RXFP1: variants seen among roughly 807,000 people sequenced by gnomAD.
RXFP1 encodes the protein relaxin family peptide receptor 1.
In RXFP1, 73 loss-of-function variants were observed where a neutral mutation model predicts 89.8. The ratio of observed to expected loss-of-function variants is 0.81; its 90% CI spans 0.67 to 0.99. The LOEUF (loss-of-function observed/expected upper bound fraction) is 0.99. RXFP1 is among the 50% of genes least tolerant of loss of function. The pLI is 0.00. For synonymous variants in RXFP1, 277 were observed against 305.5 expected (o/e 0.91, Z 0.97); for missense variants, 793 against 895.5 (o/e 0.89, Z 1.46).
chr4:158,549,243 C>T (rs573798101), intron 1 of RXFP1, among the ~76,000 whole-genome samples: 533 of 152,176 alleles, frequency 3.5e-3, no homozygotes, highest in African/African-American at 0.012. Flanking sequence ...TTGATCGCAT[C>T]GGCTCCTGAG....
At chr4:158,526,779 T>TC (rs1742600819) in intron 1 of RXFP1, among the ~76,000 whole-genome samples, 1 of 151,654 alleles carries the variant, frequency 6.6e-6, no homozygotes, top group Admixed American at 6.6e-5. Flanking sequence ...CTTTTGGAAA[T>TC]CAATGTTTTC....
chr4:158,649,124 G>T (rs994463865), intron 17 of RXFP1, among the ~76,000 whole-genome samples: 1 of 151,724 alleles, frequency 6.6e-6, no homozygotes, highest in African/African-American at 2.4e-5. Flanking sequence ...TGTAAAAATT[G>T]TAAGTCAGAG....
At chr4:158,555,057 C>T (rs1750992447) in intron 1 of RXFP1, among the ~76,000 whole-genome samples, 1 of 152,028 alleles carries the variant, frequency 6.6e-6, no homozygotes, top group African/African-American at 2.4e-5. Context: ...GTAAACAAAA[C>T]TACCTTTAAT....
chr4:158,574,877 C>T (rs1189215333), intron 2 of RXFP1, among the ~76,000 whole-genome samples: 1 of 151,608 alleles, frequency 6.6e-6, no homozygotes, highest in Non-Finnish European at 1.5e-5. Context: ...GCTATAAATA[C>T]GTTTTCATTT....
intron 1 of RXFP1, among the ~76,000 whole-genome samples, chr4:158,532,943 C>A (rs761692522): frequency 1.3e-5 from 2 of 152,194 alleles, no homozygotes; most frequent in Non-Finnish European, 2.9e-5. Flanking sequence ...CCCAAATTCT[C>A]TTAGCAGTTT....
In RXFP1 at chr4:158,645,110, G is replaced by C. The variant is rs1224867291; in HGVS notation, c.1317G>C (p.Leu439=). Residue 439 remains leucine, a synonymous_variant, in exon 15 of 18, where the codon CTG becomes CTC. Transcript: ENST00000307765. ...CTTATATCAGGTCTGAGAACAAGCT[G>C]TATGCCATGTCAATCATTTCTCTCT... ...MRPYIRSENK[L]YAMSIISLCC... is the part of the protein sequence containing the mutation. The C allele has an allele frequency of 6.2e-7, 1 of 1,613,724 alleles. No individual in the cohort carries two copies.
intron 2 of RXFP1, among the ~76,000 whole-genome samples, chr4:158,588,169 T>C (rs562876121): frequency 2.0e-5 from 3 of 152,224 alleles, no homozygotes; most frequent in African/African-American, 7.2e-5. Context: ...CTCTTTTTTT[T>C]AGGCAACCAC....
Position 158,653,149 on chromosome 4 carries a change from T to C in RXFP1, c.*1094T>C, listed in dbSNP as rs1773013846. On this transcript the variant is annotated 3_prime_UTR_variant, in exon 18 of 18. Coordinates refer to ENST00000307765, the MANE Select transcript of RXFP1 (RefSeq NM_021634.4). ...CACTGCCAGCACGTGAGATACTAACTTTTTAACTAGTTGTTCTTCTCTAGT... is the reference window on the plus strand; with the variant it reads ...CACTGCCAGCACGTGAGATACTAACCTTTTAACTAGTTGTTCTTCTCTAGT... The C allele has an allele frequency of 6.6e-6, 1 of 152,242 alleles. No homozygotes were observed. The highest frequency in any genetic ancestry group is 6.5e-5 in the Admixed American group (1 of 15,282). 9.4% of individuals were successfully genotyped at this position (152,242 alleles called of 1,614,324 possible). A position where few individuals can be genotyped will look rare whatever the true frequency, so the allele number is the denominator to read the frequency against.
At chr4:158,623,201 A>G (rs1439562343) in intron 9 of RXFP1, among the ~76,000 whole-genome samples, 1 of 152,066 alleles carries the variant, frequency 6.6e-6, no homozygotes, top group Non-Finnish European at 1.5e-5. Flanking sequence ...AAGCAGTAAG[A>G]AATAATCCAC....
At chr4:158,570,627 T>A (rs1754848803) in intron 1 of RXFP1, among the ~76,000 whole-genome samples, 1 of 152,114 alleles carries the variant, frequency 6.6e-6, no homozygotes, top group Non-Finnish European at 1.5e-5. Flanking sequence ...CCTGGAGCAC[T>A]GCAAAGTTTC....
At position 158,549,375 on chromosome 4, in the gene RXFP1, A is replaced by G. The variant is rs973618652; in HGVS notation, c.50-23323A>G. On this transcript the variant is annotated intron_variant, in intron 1 of 17. Transcript: ENST00000307765. ...ATCTAATTTTTTTTCAAAGTTTTTA[A>G]CTTCTTTGCCATTGATTTGAATTTC... Among the ~76,000 whole-genome samples the G allele has an allele frequency of 9.2e-5, 14 of 151,726 alleles. No homozygotes were observed. In the South Asian group the frequency reaches 1.3e-3, roughly 14 times the overall value.
intron 2 of RXFP1, among the ~76,000 whole-genome samples, chr4:158,580,864 C>T (rs1757216930): frequency 6.6e-6 from 1 of 152,208 alleles, no homozygotes; most frequent in South Asian, 2.1e-4. Flanking sequence ...ATGGCGCGAT[C>T]TCAGCTCACT....
chr4:158,606,053 C>G (rs1035860515), intron 5 of RXFP1, among the ~76,000 whole-genome samples: 3 of 152,130 alleles, frequency 2.0e-5, no homozygotes, highest in African/African-American at 7.2e-5. Context: ...AATAGAAATT[C>G]TAATGAAAAT....
At chr4:158,537,572 C>T (rs761861671) in intron 1 of RXFP1, among the ~76,000 whole-genome samples, 8 of 152,234 alleles carry the variant, frequency 5.3e-5, no homozygotes, top group Admixed American at 1.3e-4. Context: ...GAGAACTTCA[C>T]GACACCATTA....
chr4:158,581,980 G>A (rs1044465117), intron 2 of RXFP1, among the ~76,000 whole-genome samples: 3 of 152,150 alleles, frequency 2.0e-5, no homozygotes, highest in African/African-American at 7.2e-5. Context: ...GAGAGGAGGG[G>A]AGGTACCAGG....
upstream of RXFP1, chr4:158,521,861 G>T (rs1741251156): frequency 9.6e-6 from 6 of 622,140 alleles, no homozygotes. Flanking sequence ...GGACTGCTTT[G>T]TAACTGCTAA....
chr4:158,522,927 T>C lies in RXFP1; in HGVS notation c.49+902T>C, dbSNP rs540283784. On this transcript the variant is annotated intron_variant, in intron 1 of 17. Coordinates refer to ENST00000307765, the MANE Select transcript of RXFP1 (RefSeq NM_021634.4). ...CTGAGCTCTTCTATTAAGGAATGTC[T>C]CAGGGTAACTTTCAATCCTGACTCT... 6.2e-4 allele frequency among the ~76,000 whole-genome samples: 95 copies of C among 152,308 alleles called. 3 individuals are homozygous for C. Among genetic ancestry groups the C allele is most frequent in the Admixed American group, 6.1e-3 (94 of 15,296 alleles).
chr4:158,529,396 C>T (rs1330413794), intron 1 of RXFP1, among the ~76,000 whole-genome samples: 1 of 151,806 alleles, frequency 6.6e-6, no homozygotes, highest in Admixed American at 6.6e-5. Context: ...GTAGCTGGTA[C>T]CACAGGTGCA....
intron 15 of RXFP1, among the ~76,000 whole-genome samples, chr4:158,645,463 T>A (rs1163187201): frequency 6.6e-6 from 1 of 152,204 alleles, no homozygotes; most frequent in African/African-American, 2.4e-5. Flanking sequence ...TGCAACCTCC[T>A]ATGGTCACAA....
Sources: gnomAD v4.1 joint callset for allele counts (sites outside exome capture counted in the v4.1 genomes callset) on GRCh38, gnomAD v4.1.1 for gene constraint, MANE v1.5 for transcripts, NCBI Gene and HGNC (gene_info 2026-07-23, HGNC 2026-07-21) for gene names.